Variants in CDH11 observed in about 807,000 individuals in gnomAD.
The protein encoded by CDH11 is cadherin-11.
In CDH11, 11 loss-of-function variants were observed where a neutral mutation model predicts 67.8. The observed-to-expected ratio is 0.16, with a 90% confidence interval of 0.10 to 0.27. The LOEUF is 0.27. CDH11 is among the 10% of genes least tolerant of loss of function. The probability of loss-of-function intolerance (pLI) is 1.00; values close to 1 mark genes in which losing one functional copy is unlikely to be tolerated. For synonymous variants in CDH11, 419 were observed against 400.0 expected (o/e 1.05, Z -0.57); for missense variants, 847 against 1,031.2 (o/e 0.82, Z 2.45).
intron 1 of CDH11, among the ~76,000 whole-genome samples, chr16:65,055,640 C>T (rs2074129808): frequency 2.0e-5 from 3 of 152,124 alleles, no homozygotes; most frequent in African/African-American, 4.8e-5. Context: ...TGAATAGTAT[C>T]CTGCGTTTCA....
intron 8 of CDH11, among the ~76,000 whole-genome samples, chr16:64,975,520 T>C (rs2072140093): frequency 6.6e-6 from 1 of 152,130 alleles, no homozygotes; most frequent in African/African-American, 2.4e-5. Flanking sequence ...TCCTAGATGA[T>C]GATGAAAGCC....
chr16:65,119,721 G>A (rs962670287), intron 1 of CDH11, among the ~76,000 whole-genome samples: 1 of 152,144 alleles, frequency 6.6e-6, no homozygotes, highest in Non-Finnish European at 1.5e-5. Context: ...TGCAGACTCT[G>A]AAGTAACAAC....
chr16:65,056,867 A>C (rs2074152946), intron 1 of CDH11, among the ~76,000 whole-genome samples: 1 of 152,192 alleles, frequency 6.6e-6, no homozygotes, highest in Admixed American at 6.5e-5. Flanking sequence ...ACCTCCCTGC[A>C]AAATGTTTCC....
intron 1 of CDH11, among the ~76,000 whole-genome samples, chr16:65,103,672 A>G (rs1184590271): frequency 1.3e-5 from 2 of 152,178 alleles, no homozygotes; most frequent in East Asian, 3.8e-4. Flanking sequence ...ATATTCTTCA[A>G]AAGTTGAGAC....
chr16:65,092,168 T>C (rs140778493), intron 1 of CDH11, among the ~76,000 whole-genome samples: 3 of 152,282 alleles, frequency 2.0e-5, no homozygotes, highest in Non-Finnish European at 2.9e-5. Flanking sequence ...AGCACAGTGA[T>C]TGCTACACTG....
chr16:65,111,536 G>T (rs2075156117), intron 1 of CDH11, among the ~76,000 whole-genome samples: 1 of 152,108 alleles, frequency 6.6e-6, no homozygotes, highest in African/African-American at 2.4e-5. Context: ...AAGTCCTCTG[G>T]GTGATGTGGC....
chr16:65,115,729 A>C (rs919029803), intron 1 of CDH11, among the ~76,000 whole-genome samples: 5 of 148,558 alleles, frequency 3.4e-5, no homozygotes, highest in Non-Finnish European at 7.4e-5. Context: ...AAACAAAAAA[A>C]CAAAACCTCA....
At chr16:65,038,756 A>G (rs1347070734) in intron 2 of CDH11, among the ~76,000 whole-genome samples, 3 of 152,152 alleles carry the variant, frequency 2.0e-5, no homozygotes, top group Non-Finnish European at 4.4e-5. Context: ...TTGGGAAACA[A>G]AACACCTTGG....
In CDH11 at chr16:64,946,634, T is replaced by C; in HGVS notation, c.*969A>G. ...CTGAAAAAACATTTGTAAAACATAT[T>C]TGATTTTAAATAAACAATAAAAGCA... On this transcript the variant is annotated 3_prime_UTR_variant, in exon 13 of 13. Transcript: ENST00000268603. 9.8e-7 allele frequency: 1 copy of C among 1,018,070 alleles called. No homozygotes were observed. The highest frequency in any genetic ancestry group is 1.7e-5 in the African/African-American group (1 of 59,058). The allele number at this position is 1,018,070 out of a possible 1,614,324, so 63.1% of individuals were successfully genotyped here. A position where few individuals can be genotyped will look rare whatever the true frequency, so the allele number is the denominator to read the frequency against.
chr16:65,103,153 C>T (rs966895506), intron 1 of CDH11, among the ~76,000 whole-genome samples: 21 of 152,154 alleles, frequency 1.4e-4, no homozygotes, highest in Non-Finnish European at 2.9e-5. Flanking sequence ...TCACAGGAAT[C>T]TGATTTCCTG....
intron 10 of CDH11, 105 bp downstream of exon 10, chr16:64,971,826 G>T: frequency 6.9e-7 from 1 of 1,448,148 alleles, no homozygotes; most frequent in African/African-American, 1.4e-5. Flanking sequence ...CTATGGCTCT[G>T]AAACCTTTTT....
intron 2 of CDH11, among the ~76,000 whole-genome samples, chr16:65,013,208 A>T (rs963320445): frequency 2.6e-5 from 4 of 152,162 alleles, no homozygotes; most frequent in Non-Finnish European, 5.9e-5. Context: ...GACCTACAGC[A>T]TCATGGGAAT....
intron 1 of CDH11, among the ~76,000 whole-genome samples, chr16:65,114,896 G>T (rs2075216528): frequency 6.6e-6 from 1 of 152,140 alleles, no homozygotes; most frequent in Non-Finnish European, 1.5e-5. Flanking sequence ...CACAAGGCAG[G>T]TCCAGGACTT....
intron 1 of CDH11, among the ~76,000 whole-genome samples, chr16:65,094,438 C>A (rs1476057034): frequency 6.6e-6 from 1 of 151,950 alleles, no homozygotes; most frequent in Admixed American, 6.6e-5. Context: ...CACACACACA[C>A]ACATACACAC....
intron 2 of CDH11, among the ~76,000 whole-genome samples, chr16:65,032,965 G>A (rs922848802): frequency 2.0e-5 from 3 of 152,160 alleles, no homozygotes; most frequent in African/African-American, 7.2e-5. Flanking sequence ...AGACAGCCAC[G>A]CTTTTCCTCA....
At chr16:64,952,243 G>A (rs766525383) in intron 11 of CDH11, among the ~76,000 whole-genome samples, 1 of 152,146 alleles carries the variant, frequency 6.6e-6, no homozygotes, top group Non-Finnish European at 1.5e-5. Context: ...CATCTCTTGT[G>A]TGACCCACCA....
chr16:65,069,661 CA>C, intron 1 of CDH11, among the ~76,000 whole-genome samples: 1 of 152,072 alleles, frequency 6.6e-6, no homozygotes, highest in South Asian at 2.1e-4. Flanking sequence ...TTTACAATAC[CA>C]AATGACTGAA....
intron 1 of CDH11, among the ~76,000 whole-genome samples, chr16:65,062,157 C>T (rs934787488): frequency 1.3e-5 from 2 of 152,196 alleles, no homozygotes; most frequent in African/African-American, 4.8e-5. Context: ...GGCTACCTAA[C>T]TATCCAGGAA....
rs376906280 is a variant in CDH11, at chr16:65,055,143, C to A, written c.-297-1215G>T. Among the ~76,000 whole-genome samples, 12 of 152,310 alleles carry A rather than the reference C, an allele frequency of 7.9e-5. No homozygotes were observed. In the East Asian group the frequency reaches 1.5e-3, roughly 20 times the overall value. On this transcript the variant is annotated intron_variant, in intron 1 of 12. Transcript: ENST00000268603. ...GAAATGCTACATGCAGCAGTTCACA[C>A]AATGCATAACGAATGAGGAAGGACC...
Sources: allele counts gnomAD v4.1 joint callset (sites outside exome capture counted in the v4.1 genomes callset), GRCh38; gene constraint gnomAD v4.1.1; transcripts MANE v1.5; gene names NCBI Gene and HGNC (gene_info 2026-07-23, HGNC 2026-07-21).